GALNT10: variants seen among roughly 807,000 people sequenced by gnomAD.
GALNT10 encodes the protein polypeptide N-acetylgalactosaminyltransferase 10, also known as GalNAc transferase 10.
GALNT10 carries 41 observed loss-of-function variants against 75.0 expected under a neutral mutation model. The ratio of observed to expected loss-of-function variants is 0.55; its 90% CI spans 0.43 to 0.71. GALNT10 has a LOEUF of 0.71. Ranked by LOEUF, GALNT10 falls within the 30% of genes least tolerant of loss-of-function variation. The pLI is 0.00. For missense variants in GALNT10, 727 were observed against 818.5 expected (o/e 0.89, Z 1.36); for synonymous variants, 302 against 313.0 (o/e 0.96, Z 0.37).
intron 1 of GALNT10, among the ~76,000 whole-genome samples, chr5:154,192,750 T>C (rs1774878917): frequency 6.6e-6 from 1 of 151,844 alleles, no homozygotes; most frequent in Non-Finnish European, 1.5e-5. Flanking sequence ...CAAGGGGGAG[T>C]GTCCTACCCT....
intron 6 of GALNT10, among the ~76,000 whole-genome samples, chr5:154,383,877 C>T (rs1485168851): frequency 7.2e-5 from 11 of 152,278 alleles, no homozygotes; most frequent in Admixed American, 7.2e-4. Flanking sequence ...TCTCACACTG[C>T]TATAAAGAAC....
At chr5:154,209,194 T>C (rs1235410053) in intron 1 of GALNT10, among the ~76,000 whole-genome samples, 2 of 152,226 alleles carry the variant, frequency 1.3e-5, no homozygotes, top group East Asian at 1.9e-4. Context: ...GGAGAGGCCA[T>C]GCACGCTGCA....
intron 4 of GALNT10, among the ~76,000 whole-genome samples, chr5:154,330,908 GGT>G (rs370103391): frequency 8.0e-4 from 101 of 126,034 alleles, no homozygotes; most frequent in African/African-American, 2.2e-3. Context: ...AGACAGAGAG[GGT>G]GTGTGTGTGT....
intron 3 of GALNT10, among the ~76,000 whole-genome samples, chr5:154,310,446 T>G (rs1754497781): frequency 1.0e-5 from 1 of 97,108 alleles, no homozygotes; most frequent in African/African-American, 3.5e-5. Flanking sequence ...TTTTTGTTTT[T>G]TTTTTTGTTT....
chr5:154,270,704 G>A (rs1166723464), intron 1 of GALNT10, among the ~76,000 whole-genome samples: 1 of 152,072 alleles, frequency 6.6e-6, no homozygotes, highest in African/African-American at 2.4e-5. Flanking sequence ...TTGTGAAATT[G>A]GAACTCCTGG....
At chr5:154,317,116 T>C (rs1754604829) in intron 3 of GALNT10, among the ~76,000 whole-genome samples, 1 of 152,190 alleles carries the variant, frequency 6.6e-6, no homozygotes, top group South Asian at 2.1e-4. Context: ...TGCCGGGGTC[T>C]CACAGTTGCA....
At chr5:154,342,693 T>C (rs1297049202) in intron 4 of GALNT10, among the ~76,000 whole-genome samples, 1 of 152,208 alleles carries the variant, frequency 6.6e-6, no homozygotes, top group Non-Finnish European at 1.5e-5. Flanking sequence ...TAAGTTAAGA[T>C]GCCTACAGCC....
intron 1 of GALNT10, among the ~76,000 whole-genome samples, chr5:154,245,957 A>C (rs1174047834): frequency 1.4e-3 from 156 of 114,634 alleles, no homozygotes; most frequent in African/African-American, 2.1e-3. Context: ...ATCCCTCCCC[A>C]CTCCCCCCAC....
chr5:154,224,494 T>A (rs1753031149), intron 1 of GALNT10, among the ~76,000 whole-genome samples: 1 of 152,226 alleles, frequency 6.6e-6, no homozygotes, highest in African/African-American at 2.4e-5. Flanking sequence ...TTTGTCCAGC[T>A]TGTAATTTGT....
At chr5:154,346,066 C>T (rs1019743686) in intron 4 of GALNT10, among the ~76,000 whole-genome samples, 2 of 150,708 alleles carry the variant, frequency 1.3e-5, no homozygotes, top group Admixed American at 1.3e-4. Context: ...CCCAAAGTGC[C>T]TGGGATTACA....
chr5:154,304,478 A>G (rs6580069), intron 3 of GALNT10, among the ~76,000 whole-genome samples: 67,314 of 151,978 alleles, frequency 0.44, 15,684 homozygotes, highest in African/African-American at 0.55. Context: ...TTTAAAGTAC[A>G]GAAATGTCAG....
intron 3 of GALNT10, among the ~76,000 whole-genome samples, chr5:154,300,375 C>G (rs1164245296): frequency 6.6e-6 from 1 of 152,176 alleles, no homozygotes; most frequent in Non-Finnish European, 1.5e-5. Context: ...ACTGTGGGTT[C>G]TCAACCCTGG....
chr5:154,254,510 C>CTTT (rs1162459433), intron 1 of GALNT10, among the ~76,000 whole-genome samples: 1 of 138,388 alleles, frequency 7.2e-6, no homozygotes, highest in South Asian at 2.3e-4. Flanking sequence ...TATTTCTTTT[C>CTTT]TTTTTTTTTT....
chr5:154,219,874 G>C (rs1471124461), intron 1 of GALNT10, among the ~76,000 whole-genome samples: 1 of 96,986 alleles, frequency 1.0e-5, no homozygotes, highest in Non-Finnish European at 2.5e-5. Context: ...ACACCACAGA[G>C]AGAGAGGGAG....
At chr5:154,381,294 G>C (rs1285971718) in intron 6 of GALNT10, among the ~76,000 whole-genome samples, 1 of 152,134 alleles carries the variant, frequency 6.6e-6, no homozygotes, top group Non-Finnish European at 1.5e-5. Context: ...TCAGCCCCTT[G>C]CAGATGAGGG....
intron 4 of GALNT10, chr5:154,347,073 A>G (rs370107407): frequency 1.5e-5 from 7 of 464,284 alleles, no homozygotes; most frequent in Non-Finnish European, 2.6e-5. Context: ...ATAATAATAT[A>G]TGAGAACAGT....
At chr5:154,404,268 C>T (rs1756227755) in intron 8 of GALNT10, 57 bp downstream of exon 8, 1 of 969,822 alleles carries the variant, frequency 1.0e-6, no homozygotes, top group Non-Finnish European at 1.5e-6. Context: ...CCATCAGCTG[C>T]ACTGAGGCAC....
At chr5:154,278,951 T>G (rs1174991740) in intron 1 of GALNT10, among the ~76,000 whole-genome samples, 2 of 152,268 alleles carry the variant, frequency 1.3e-5, no homozygotes, top group Non-Finnish European at 2.9e-5. Context: ...CATCTATTAA[T>G]GGACACTTGA....
chr5:154,321,592 G>A (rs1754675395), intron 3 of GALNT10, among the ~76,000 whole-genome samples: 1 of 152,096 alleles, frequency 6.6e-6, no homozygotes, highest in Non-Finnish European at 1.5e-5. Context: ...CCAAAGTGTT[G>A]CGATTACAGG....
Sources: gnomAD v4.1 joint callset for allele counts (sites outside exome capture counted in the v4.1 genomes callset) on GRCh38, gnomAD v4.1.1 for gene constraint, MANE v1.5 for transcripts, NCBI Gene and HGNC (gene_info 2026-07-23, HGNC 2026-07-21) for gene names.